The following ZFHX3 variants were observed in gnomAD, a reference collection of about 807,000 sequenced individuals.
ZFHX3 encodes the protein zinc finger homeobox 3.
ZFHX3 carries 42 observed loss-of-function variants against 279.1 expected under a neutral mutation model. The ratio of observed to expected loss-of-function variants is 0.15; its 90% CI spans 0.12 to 0.19. The LOEUF (loss-of-function observed/expected upper bound fraction) is 0.19, where lower values mean the gene tolerates loss of function less well. Ranked by LOEUF, ZFHX3 falls within the 10% of genes least tolerant of loss-of-function variation. The pLI is 1.00. For missense variants in ZFHX3, 4,981 were observed against 4,754.0 expected (o/e 1.05, Z -1.40); for synonymous variants, 2,293 against 1,957.8 (o/e 1.17, Z -4.52).
At chr16:73,350,492 G>T (rs1400939203) in intron 3 of ZFHX3, among the ~76,000 whole-genome samples, 2 of 152,178 alleles carry the variant, frequency 1.3e-5, no homozygotes, top group African/African-American at 4.8e-5. Context: ...ATTCTTTCAA[G>T]AGGTGGTACT....
At chr16:73,555,560 G>A (rs2020266166) in intron 2 of ZFHX3, among the ~76,000 whole-genome samples, 3 of 152,092 alleles carry the variant, frequency 2.0e-5, no homozygotes, top group South Asian at 4.2e-4. Context: ...GCCGGGTGCC[G>A]GGGCTCACGC....
chr16:72,992,088 C>T (rs1438901200), intron 1 of ZFHX3, among the ~76,000 whole-genome samples: 2 of 152,198 alleles, frequency 1.3e-5, no homozygotes, highest in Non-Finnish European at 1.5e-5. Flanking sequence ...AGGCTGTCGC[C>T]GAACTGATCT....
At chr16:73,709,708 G>C (rs1197928346) in intron 1 of ZFHX3, among the ~76,000 whole-genome samples, 1 of 152,126 alleles carries the variant, frequency 6.6e-6, no homozygotes, top group African/African-American at 2.4e-5. Flanking sequence ...TGTACAACAT[G>C]ATGACTATAG....
intron 4 of ZFHX3, among the ~76,000 whole-genome samples, chr16:73,301,705 A>G (rs1441852890): frequency 6.6e-6 from 1 of 151,982 alleles, no homozygotes; most frequent in Admixed American, 6.5e-5. Context: ...GCTTAATGCA[A>G]TGAGCCAGTC....
intron 2 of ZFHX3, among the ~76,000 whole-genome samples, chr16:73,542,051 C>T (rs1053795986): frequency 4.6e-5 from 7 of 151,986 alleles, no homozygotes; most frequent in Non-Finnish European, 8.8e-5. Context: ...CTGCCCACCT[C>T]GGCCTCCCAA....
At chr16:73,489,635 T>C (rs2019027338) in intron 2 of ZFHX3, among the ~76,000 whole-genome samples, 1 of 152,228 alleles carries the variant, frequency 6.6e-6, no homozygotes, top group African/African-American at 2.4e-5. Context: ...TCTTTCTTCT[T>C]AAATTCGGTT....
rs753973363 is a variant in ZFHX3, at chr16:72,796,989, C to G, written c.5693G>C (p.Gly1898Ala). The change falls in exon 9 of 10, where the codon GGG becomes GCG. Residue 1898 changes from glycine (G) to alanine (A), a missense_variant. By Grantham distance (60) the Gly-to-Ala change is moderately conservative. Around this residue, in one of 7 missense-constraint regions of ZFHX3, gnomAD observed 1,751 missense variants for 1,770.0 expected, o/e 0.99. Transcript: ENST00000268489. ...ESQRERDSAE[G>A]GEGNTGPKET... The stretch of plus-strand genomic sequence containing the variant: ...CTTCGGACCGGTGTTGCCCTCTCCC[C>G]CCTCGGCGCTGTCCCTCTCTCTCTG... The G allele has an allele frequency of 6.8e-6, 11 of 1,614,022 alleles. No homozygotes were observed. The highest frequency in any genetic ancestry group is 1.6e-4 in the Middle Eastern group (1 of 6,062).
intron 1 of ZFHX3, among the ~76,000 whole-genome samples, chr16:73,703,633 G>C (rs996175849): frequency 5.3e-5 from 8 of 152,114 alleles, no homozygotes; most frequent in Non-Finnish European, 1.2e-4. Context: ...GGTAGACTGT[G>C]CCTACCTGAA....
intron 8 of ZFHX3, among the ~76,000 whole-genome samples, chr16:73,089,228 C>T (rs773350441): frequency 2.0e-5 from 3 of 152,166 alleles, no homozygotes; most frequent in South Asian, 2.1e-4. Context: ...TTCAGCCTCC[C>T]GAGTAGCTGG....
intron 2 of ZFHX3, among the ~76,000 whole-genome samples, chr16:73,563,629 C>T (rs1414908234): frequency 6.6e-6 from 1 of 152,130 alleles, no homozygotes; most frequent in Non-Finnish European, 1.5e-5. Context: ...CGTGAAACAG[C>T]AATAATCTAA....
chr16:73,613,966 A>C (rs1044388986), intron 2 of ZFHX3, among the ~76,000 whole-genome samples: 3 of 152,248 alleles, frequency 2.0e-5, no homozygotes, highest in Non-Finnish European at 4.4e-5. Flanking sequence ...GTTTTCCATT[A>C]GAACTTTTCT....
chr16:73,286,245 A>G (rs920270875), intron 4 of ZFHX3, among the ~76,000 whole-genome samples: 2 of 152,150 alleles, frequency 1.3e-5, no homozygotes, highest in African/African-American at 4.8e-5. Flanking sequence ...AAAAACAGTA[A>G]TGGAACAACG....
At chr16:73,346,993 C>T (rs2016135842) in intron 3 of ZFHX3, among the ~76,000 whole-genome samples, 1 of 152,100 alleles carries the variant, frequency 6.6e-6, no homozygotes, top group Non-Finnish European at 1.5e-5. Context: ...TCCTGTGTTA[C>T]AAGGGGAGGA....
intron 7 of ZFHX3, among the ~76,000 whole-genome samples, chr16:73,108,789 C>T (rs540219809): frequency 6.6e-6 from 1 of 152,308 alleles, no homozygotes; most frequent in East Asian, 1.9e-4. Flanking sequence ...TGATTAGGTC[C>T]TTTTGGGATC....
At chr16:72,918,586 C>G (rs1372821668) in intron 3 of ZFHX3, among the ~76,000 whole-genome samples, 1 of 151,980 alleles carries the variant, frequency 6.6e-6, no homozygotes, top group Non-Finnish European at 1.5e-5. Context: ...CAGCCAGTAA[C>G]TCAACATAAA....
At chr16:73,208,863 T>A (rs1015290770) in intron 5 of ZFHX3, among the ~76,000 whole-genome samples, 1 of 152,234 alleles carries the variant, frequency 6.6e-6, no homozygotes, top group African/African-American at 2.4e-5. Flanking sequence ...AAAGTCTTTT[T>A]ATCAGTACTG....
chr16:73,111,101 C>T (rs1396832797), intron 7 of ZFHX3, among the ~76,000 whole-genome samples: 6 of 151,968 alleles, frequency 3.9e-5, no homozygotes, highest in Admixed American at 1.3e-4. Flanking sequence ...CCACCACGCC[C>T]GGCTAATTTT....
intron 1 of ZFHX3, among the ~76,000 whole-genome samples, chr16:73,748,725 A>C (rs2053727645): frequency 6.6e-6 from 1 of 152,176 alleles, no homozygotes; most frequent in African/African-American, 2.4e-5. Context: ...TTATAGAAAA[A>C]ATGGAAGTGT....
intron 7 of ZFHX3, among the ~76,000 whole-genome samples, chr16:73,106,988 A>C (rs950715050): frequency 2.6e-5 from 4 of 152,324 alleles, no homozygotes; most frequent in Non-Finnish European, 2.9e-5. Flanking sequence ...TTGTAATACC[A>C]AAAAAGCAAG....
Sources: allele counts gnomAD v4.1 joint callset (sites outside exome capture counted in the v4.1 genomes callset), GRCh38; gene constraint gnomAD v4.1.1; regional missense constraint gnomAD v4.1.1; transcripts MANE v1.5; gene names NCBI Gene and HGNC (gene_info 2026-07-23, HGNC 2026-07-21).